LURAP1L: variants seen among roughly 807,000 people sequenced by gnomAD.
LURAP1L encodes leucine rich adaptor protein 1 like, also known as leucine rich adaptor protein 1-like.
A neutral mutation model predicts 13.8 loss-of-function variants in LURAP1L; 12 were observed. The ratio of observed to expected loss-of-function variants is 0.87; its 90% CI spans 0.56 to 1.41. The LOEUF (loss-of-function observed/expected upper bound fraction) is 1.41, where lower values mean the gene tolerates loss of function less well. Among genes scored for constraint, LURAP1L ranks in the 40% most tolerant of loss-of-function variants. LURAP1L has a pLI of 0.00. For synonymous variants in LURAP1L, 139 were observed against 119.2 expected, an observed-to-expected ratio of 1.17 and a Z score of -1.08; for missense variants, 375 against 292.9, an observed-to-expected ratio of 1.28 and a Z score of -2.04.
At chr9:12,799,134 T>C (rs943609094) in intron 1 of LURAP1L, among the ~76,000 whole-genome samples, 11 of 152,210 alleles carry the variant, frequency 7.2e-5, no homozygotes, top group Admixed American at 3.3e-4. Context: ...AACATCAAGA[T>C]ATTTGTCCCA....
chr9:12,812,403 A>G (rs939141633), intron 1 of LURAP1L, among the ~76,000 whole-genome samples: 1 of 152,202 alleles, frequency 6.6e-6, no homozygotes, highest in African/African-American at 2.4e-5. Flanking sequence ...GCGCCCATCC[A>G]TTTTATTCTG....
intron 1 of LURAP1L, among the ~76,000 whole-genome samples, chr9:12,812,233 G>T (rs1274712650): frequency 6.6e-6 from 1 of 152,176 alleles, no homozygotes; most frequent in African/African-American, 2.4e-5. Flanking sequence ...CCAGAAGAGG[G>T]TGGTTATTGG....
chr9:12,804,345 G>A (rs1279446488), intron 1 of LURAP1L, among the ~76,000 whole-genome samples: 2 of 78,900 alleles, frequency 2.5e-5, no homozygotes, highest in Non-Finnish European at 4.8e-5. Flanking sequence ...TTTGTTATCT[G>A]ATTTTTTTTT....
In LURAP1L at chr9:12,821,568, C is replaced by T; in HGVS notation, c.495C>T (p.Asn165=). The T allele has an allele frequency of 1.2e-6, 2 of 1,614,118 alleles. No individual in the cohort carries two copies. The highest frequency in any genetic ancestry group is 1.1e-5 in the South Asian group (1 of 91,074). ...SQSTSLRGSY[N]SLHDGSDGLD... is the part of the protein sequence containing the mutation. ...GCACCTCCTTACGTGGCAGCTACAACAGCCTACACGATGGCAGTGATGGGC... is the reference window on the plus strand; with the variant it reads ...GCACCTCCTTACGTGGCAGCTACAATAGCCTACACGATGGCAGTGATGGGC... The change falls in exon 2 of 2, where the codon AAC becomes AAT. Residue 165 remains asparagine (N), a synonymous_variant. Transcript: ENST00000319264.
At chr9:12,777,565 CT>C in intron 1 of LURAP1L, 1 of 974,430 alleles carries the variant, frequency 1.0e-6, no homozygotes, top group Middle Eastern at 5.3e-4. Flanking sequence ...ATAAATAAAT[CT>C]TGTTGAAACA....
rs534390977 is a variant in LURAP1L, at chr9:12,775,865, C to T, written c.150C>T (p.Gly50=). The T allele has an allele frequency of 9.9e-5, 154 of 1,556,796 alleles. No individual in the cohort carries two copies. The highest frequency in any genetic ancestry group is 1.7e-4 in the Middle Eastern group (1 of 5,970). Residue 50 remains glycine (G), a synonymous_variant, in exon 1 of 2, where the codon GGC becomes GGT. Transcript: ENST00000319264. ...CCTGCGGGGGGAGCGGTGGTGGTGG[C>T]GGCGGCGGCGGCGGCTGCAGTAGCA... ...RDPCGGSGGG[G]GGGGGCSSSS... is the part of the protein sequence containing the mutation.
intron 1 of LURAP1L, among the ~76,000 whole-genome samples, chr9:12,783,523 G>T (rs1238205435): frequency 7.2e-5 from 11 of 152,102 alleles, no homozygotes; most frequent in Admixed American, 7.2e-4. Flanking sequence ...TGCATATGTT[G>T]AACAGTCCTT....
Position 12,822,756 on chromosome 9 carries a change from T to C in LURAP1L, c.*996T>C, listed in dbSNP as rs1457041460. On this transcript the variant is annotated 3_prime_UTR_variant, in exon 2 of 2. Transcript: ENST00000319264. ...TCTCTAAGTTTTCTGAAATGGAATA[T>C]TTAACGCACATAGACAGTGGATATT... Among the ~76,000 whole-genome samples the C allele has an allele frequency of 1.3e-5, 2 of 152,174 alleles. No individual in the cohort carries two copies. The highest frequency in any genetic ancestry group is 2.4e-5 in the African/African-American group (1 of 41,456).
intron 1 of LURAP1L, among the ~76,000 whole-genome samples, chr9:12,785,058 G>T (rs1408250688): frequency 6.6e-6 from 1 of 151,256 alleles, no homozygotes; most frequent in African/African-American, 2.4e-5. Flanking sequence ...AGGCCCAAGG[G>T]CTCTTTTTCA....
chr9:12,786,557 T>TATATATATATGAC (rs1554657235), intron 1 of LURAP1L, among the ~76,000 whole-genome samples: 1 of 113,918 alleles, frequency 8.8e-6, no homozygotes, highest in Non-Finnish European at 1.9e-5. Flanking sequence ...CATATATATA[T>TATATATATATGAC]ATATATATAT....
chr9:12,775,560 C>T lies in LURAP1L; in HGVS notation c.-156C>T, dbSNP rs1047777390. ...CCTGTGCGGATTTCAGGGCTGATAC[C>T]GCATAGGCGGTTATGGAAAGGACGG... On this transcript the variant is annotated 5_prime_UTR_variant, in exon 1 of 2. Transcript: ENST00000319264. 1.6e-6 allele frequency: 2 copies of T among 1,269,448 alleles called. No homozygotes were observed. Among genetic ancestry groups the T allele is most frequent in the Admixed American group, 6.6e-5 (2 of 30,088 alleles). 78.6% of individuals were successfully genotyped at this position (1,269,448 alleles called of 1,614,324 possible).
chr9:12,802,028 G>A lies in LURAP1L; in HGVS notation c.313-19358G>A, dbSNP rs528704538. On this transcript the variant is annotated intron_variant, in intron 1 of 1. Coordinates refer to ENST00000319264, the MANE Select transcript of LURAP1L (RefSeq NM_203403.2). ...TCAGGAGAATGAAATGGTTGTTTGA[G>A]TACTAGAAGAGTTAGCCTCCATTCC... is the stretch of plus-strand genomic sequence containing the variant. 2.0e-5 allele frequency among the ~76,000 whole-genome samples: 3 copies of A among 152,300 alleles called. No individual in the cohort carries two copies. In the South Asian group the frequency reaches 6.2e-4, roughly 32 times the overall value.
chr9:12,800,660 T>A (rs1440163570), intron 1 of LURAP1L, among the ~76,000 whole-genome samples: 2 of 152,170 alleles, frequency 1.3e-5, no homozygotes, highest in African/African-American at 4.8e-5. Context: ...ATTTCCACAA[T>A]AGAAAAGAAA....
intron 1 of LURAP1L, chr9:12,777,680 A>G (rs1381623680): frequency 4.2e-6 from 3 of 706,828 alleles, no homozygotes; most frequent in Non-Finnish European, 5.2e-6. Flanking sequence ...ACTTGAAAAC[A>G]GTAACATTTC....
intron 1 of LURAP1L, among the ~76,000 whole-genome samples, chr9:12,793,136 T>C (rs1306392523): frequency 2.0e-5 from 3 of 152,008 alleles, no homozygotes; most frequent in Admixed American, 6.6e-5. Context: ...TAGAAGTAGA[T>C]CTTGAAATTT....
Position 12,789,090 on chromosome 9 carries a change from CA to C in LURAP1L, c.312+13073del, listed in dbSNP as rs60051757. Among the ~76,000 whole-genome samples, 1,150 of 136,982 alleles carry C rather than the reference CA, an allele frequency of 8.4e-3. 7 individuals carry two copies. The highest frequency in any genetic ancestry group is 0.013 in the Non-Finnish European group (832 of 63,378). The allele number at this position is 136,982 out of a possible 152,430, so 89.9% of individuals were successfully genotyped here. A position where few individuals can be genotyped will look rare whatever the true frequency, so the allele number is the denominator to read the frequency against. ...GATCCTGCCTCCCCCAGCACCCCCC[CA>C]AAAAAAAAAGAAAAGAAAAGAAAAA... On this transcript the variant is annotated intron_variant, in intron 1 of 1. Coordinates refer to ENST00000319264, the MANE Select transcript of LURAP1L (RefSeq NM_203403.2).
intron 1 of LURAP1L, among the ~76,000 whole-genome samples, chr9:12,788,179 G>GAAAGAAAGAAAA (rs1819387028): frequency 6.8e-6 from 1 of 147,612 alleles, no homozygotes; most frequent in Non-Finnish European, 1.5e-5. Flanking sequence ...AAGAAAGAAA[G>GAAAGAAAGAAAA]AAAGAAAGAA....
rs1819725771 is a variant in LURAP1L at position 12,810,768 on chromosome 9, C to T, written c.313-10618C>T. Among the ~76,000 whole-genome samples the T allele has an allele frequency of 1.3e-5, 2 of 152,094 alleles. 1 individual carries two copies. The highest frequency in any genetic ancestry group is 4.2e-4 in the South Asian group (2 of 4,818). On this transcript the variant is annotated intron_variant, in intron 1 of 1. Transcript: ENST00000319264. ...GAATGTTGGAATATGTCAGGTGTCTCTTATTGGATGCTCTTCAGATCACCA... is the reference window on the plus strand; with the variant it reads ...GAATGTTGGAATATGTCAGGTGTCTTTTATTGGATGCTCTTCAGATCACCA...
Position 12,822,464 on chromosome 9 carries a change from AATTGAG to A in LURAP1L, c.*708_*713del, listed in dbSNP as rs1271183714. Among the ~76,000 whole-genome samples the A allele has an allele frequency of 2.6e-5, 4 of 152,226 alleles. No homozygotes were observed. The highest frequency in any genetic ancestry group is 7.2e-5 in the African/African-American group (3 of 41,458). On this transcript the variant is annotated 3_prime_UTR_variant, in exon 2 of 2. Transcript: ENST00000319264. ...ATTATTCTCCCAAATTTCAAGGAAT[AATTGAG>A]ATTAAGTATGGAGGCCATTCAAGGC...
Sources: allele counts gnomAD v4.1 joint callset (sites outside exome capture counted in the v4.1 genomes callset), GRCh38; gene constraint gnomAD v4.1.1; transcripts MANE v1.5; gene names NCBI Gene and HGNC (gene_info 2026-07-23, HGNC 2026-07-21).